The following SMOX variants were observed in gnomAD, a reference collection of about 807,000 sequenced individuals.
SMOX encodes flavin containing amine oxidase.
In SMOX, 22 loss-of-function variants were observed where a neutral mutation model predicts 51.0. That is an observed-to-expected ratio of 0.43 (90% CI 0.31 to 0.62). The LOEUF (loss-of-function observed/expected upper bound fraction) is 0.62, where lower values mean the gene tolerates loss of function less well. SMOX is among the 20% of genes least tolerant of loss of function. The probability of loss-of-function intolerance (pLI) is 0.10; values close to 1 mark genes in which losing one functional copy is unlikely to be tolerated. For missense variants in SMOX, 566 were observed against 777.7 expected (o/e 0.73, Z 3.24); for synonymous variants, 282 against 307.8 (o/e 0.92, Z 0.88).
chr20:4,174,610 T>A (rs1034075030), intron 1 of SMOX, among the ~76,000 whole-genome samples: 3 of 152,140 alleles, frequency 2.0e-5, no homozygotes, highest in African/African-American at 7.2e-5. Flanking sequence ...GACTGTGGCC[T>A]TCTTGGTCAT....
Position 4,182,559 on chromosome 20 carries a change from G to T in SMOX, c.1080G>T (p.Leu360=), listed in dbSNP as rs779365210. Residue 360 remains leucine, a synonymous_variant, in exon 5 of 7, where the codon CTG becomes CTT. Transcript: ENST00000305958. This position sits in a 1 kb window ranked among gnomAD's most constrained non-coding sequence, Gnocchi z 8.4. ...PTEKVAAIHR[L]GIGTTDKIFL... ...AGAAGGTGGCTGCCATCCACCGCCT[G>T]GGCATTGGCACCACCGACAAGATCT... 1.2e-6 allele frequency: 2 copies of T among 1,613,826 alleles called. No individual in the cohort carries two copies. Among genetic ancestry groups the T allele is most frequent in the African/African-American group, 2.7e-5 (2 of 74,900 alleles).
chr20:4,184,542 T>C (rs1979593737), intron 6 of SMOX, among the ~76,000 whole-genome samples: 2 of 151,068 alleles, frequency 1.3e-5, no homozygotes. Context: ...TCCCATAAAG[T>C]GGATTTTGAG....
At position 4,166,871 on chromosome 20, in the gene SMOX, C is replaced by A. The variant is rs190211972; in HGVS notation, c.-26-8159C>A. 3.9e-5 allele frequency among the ~76,000 whole-genome samples: 6 copies of A among 152,306 alleles called. No individual in the cohort carries two copies. Among genetic ancestry groups the A allele is most frequent in the African/African-American group, 1.2e-4 (5 of 41,566 alleles). ...TCTCATCTGAAATTCGCTTACAAAGCCTTTTTAAAGTTGTGCTTTTAGGGA... is the reference window on the plus strand; with the variant it reads ...TCTCATCTGAAATTCGCTTACAAAGACTTTTTAAAGTTGTGCTTTTAGGGA... On this transcript the variant is annotated intron_variant, in intron 1 of 6. Transcript: ENST00000305958. The surrounding 1 kb of genome is among the most constrained non-coding windows in gnomAD (Gnocchi z 4.2).
chr20:4,180,272 T>A (rs1354717638), intron 3 of SMOX, among the ~76,000 whole-genome samples: 3 of 152,224 alleles, frequency 2.0e-5, no homozygotes, highest in African/African-American at 7.2e-5. Flanking sequence ...CATGTCTGTG[T>A]CTCAGGTGGA....
chr20:4,177,598 C>G lies in SMOX; in HGVS notation c.435+21C>G, dbSNP rs1417661978. 1 of 1,563,142 alleles carries G rather than the reference C, an allele frequency of 6.4e-7. No individual in the cohort carries two copies. The highest frequency in any genetic ancestry group is 8.7e-7 in the Non-Finnish European group (1 of 1,152,788). On this transcript the variant is annotated intron_variant, in intron 3 of 6. Coordinates refer to ENST00000305958, the MANE Select transcript of SMOX (RefSeq NM_175839.3). This position sits in a 1 kb window ranked among gnomAD's most constrained non-coding sequence, Gnocchi z 4.3. Reference sequence around the variant, plus strand: ...ACGAGGTAAGGTGTGAGCAGAGTAGCTGGGCGTAAGGGCATGGGGAGACCT... The same window carrying G: ...ACGAGGTAAGGTGTGAGCAGAGTAGGTGGGCGTAAGGGCATGGGGAGACCT...
chr20:4,161,183 C>T (rs557786901), intron 1 of SMOX, among the ~76,000 whole-genome samples: 1 of 152,334 alleles, frequency 6.6e-6, no homozygotes, highest in Admixed American at 6.5e-5. Flanking sequence ...CTCACACCTC[C>T]CAGGTGTCAA....
rs1160715521 is a variant in SMOX at position 4,167,519 on chromosome 20, T to G, written c.-26-7511T>G. On this transcript the variant is annotated intron_variant, in intron 1 of 6. Coordinates refer to ENST00000305958, the MANE Select transcript of SMOX (RefSeq NM_175839.3). The surrounding 1 kb of genome is among the most constrained non-coding windows in gnomAD (Gnocchi z 4.8). ...CCAAAGTGAGCCTTTAAATATCAGATAGGGCTTGGACAAGTGTGCCCAGGT... is the reference window on the plus strand; with the variant it reads ...CCAAAGTGAGCCTTTAAATATCAGAGAGGGCTTGGACAAGTGTGCCCAGGT... Among the ~76,000 whole-genome samples the G allele has an allele frequency of 6.6e-6, 1 of 152,178 alleles. No homozygotes were observed. Among genetic ancestry groups the G allele is most frequent in the Non-Finnish European group, 1.5e-5 (1 of 68,030 alleles).
rs1986794203 is a variant in SMOX, at chr20:4,170,874, T to TG, written c.-26-4155dup. On this transcript the variant is annotated intron_variant, in intron 1 of 6. Coordinates refer to ENST00000305958, the MANE Select transcript of SMOX (RefSeq NM_175839.3). The surrounding 1 kb of genome is among the most constrained non-coding windows in gnomAD (Gnocchi z 4.6). The stretch of plus-strand genomic sequence containing the variant: ...AGAACTGGCTGCGTGGTATCTTGGA[T>TG]GAAATTGCCAGGGGACCGGGGGGTG... 6.6e-6 allele frequency among the ~76,000 whole-genome samples: 1 copy of TG among 152,108 alleles called. No individual in the cohort carries two copies. The highest frequency in any genetic ancestry group is 1.5e-5 in the Non-Finnish European group (1 of 68,028).
intron 1 of SMOX, among the ~76,000 whole-genome samples, chr20:4,159,355 G>T (rs1359242047): frequency 6.6e-6 from 1 of 152,120 alleles, no homozygotes; most frequent in East Asian, 1.9e-4. Flanking sequence ...CAAGTGATCC[G>T]CCCACTTCGA....
chr20:4,150,252 A>G (rs1985667385), intron 1 of SMOX, among the ~76,000 whole-genome samples: 1 of 151,916 alleles, frequency 6.6e-6, no homozygotes, highest in Non-Finnish European at 1.5e-5. Context: ...AGCCTTCTGC[A>G]CTCGCTCCTT....
At chr20:4,168,253 C>T (rs1380246534) in intron 1 of SMOX, among the ~76,000 whole-genome samples, 1 of 152,112 alleles carries the variant, frequency 6.6e-6, no homozygotes, top group Non-Finnish European at 1.5e-5. Context: ...TCCCCTGCTG[C>T]CGAGGGCACC....
rs140906728 is a variant in SMOX, at chr20:4,183,561, C to T, written c.1437C>T (p.Arg479=). The change falls in exon 6 of 7, where the codon CGC becomes CGT. Residue 479 remains arginine, a synonymous_variant. Coordinates refer to ENST00000305958, the MANE Select transcript of SMOX (RefSeq NM_175839.3). This position sits in a 1 kb window ranked among gnomAD's most constrained non-coding sequence, Gnocchi z 4.3. ...CCTGGGGCAGCAACCCTTACTTCCG[C>T]GGCTCCTATTCATACACGCAGGTGG... The part of the protein sequence containing the change: ...RSAWGSNPYF[R]GSYSYTQVGS... 1.2e-4 allele frequency: 186 copies of T among 1,613,970 alleles called. No homozygotes were observed. Among genetic ancestry groups the T allele is most frequent in the South Asian group, 7.6e-4 (69 of 91,060 alleles).
chr20:4,184,081 G>A (rs1979558067), intron 6 of SMOX, among the ~76,000 whole-genome samples: 1 of 151,724 alleles, frequency 6.6e-6, no homozygotes, highest in South Asian at 2.1e-4. Flanking sequence ...CTGGGCTCAA[G>A]TGATCCTCCC....
chr20:4,160,710 G>A (rs749657004), intron 1 of SMOX, among the ~76,000 whole-genome samples: 13 of 152,302 alleles, frequency 8.5e-5, no homozygotes, highest in East Asian at 1.9e-4. Context: ...GATAAATTAC[G>A]TTGTGTGGAC....
chr20:4,185,405 C>G (rs1163318330), intron 6 of SMOX, among the ~76,000 whole-genome samples: 2 of 152,154 alleles, frequency 1.3e-5, no homozygotes, highest in African/African-American at 4.8e-5. Flanking sequence ...GTTAGAAATG[C>G]AGATTCTCAG....
chr20:4,155,150 C>T (rs968276559), intron 1 of SMOX, among the ~76,000 whole-genome samples: 24 of 152,138 alleles, frequency 1.6e-4, no homozygotes, highest in Non-Finnish European at 3.1e-4. Flanking sequence ...CTGGGGTGAG[C>T]ACCCTTCCTC....
intron 1 of SMOX, among the ~76,000 whole-genome samples, chr20:4,156,454 A>T (rs949080647): frequency 1.3e-5 from 2 of 151,996 alleles, no homozygotes; most frequent in African/African-American, 4.8e-5. Flanking sequence ...TTCATCTGTA[A>T]ATCTTTGCCC....
Position 4,178,684 on chromosome 20 carries a change from C to CT in SMOX, c.435+1110dup, listed in dbSNP as rs1568744217. Among the ~76,000 whole-genome samples, 7 of 88,416 alleles carry CT rather than the reference C, an allele frequency of 7.9e-5. 1 individual carries two copies. Among genetic ancestry groups the CT allele is most frequent in the Middle Eastern group, 4.9e-3 (1 of 204 alleles). 58.0% of individuals were successfully genotyped at this position (88,416 alleles called of 152,430 possible). ...TGCATTTTCTTTTCTTTCTTTCTTT[C>CT]TTTCTTTTTTTTTTTTGAGACGGAG... On this transcript the variant is annotated intron_variant, in intron 3 of 6. Transcript: ENST00000305958.
intron 1 of SMOX, among the ~76,000 whole-genome samples, chr20:4,151,573 C>T (rs1252813740): frequency 1.3e-5 from 2 of 152,110 alleles, no homozygotes; most frequent in Non-Finnish European, 2.9e-5. Context: ...TAAGCTTTCT[C>T]CTGCCCCACG....
Sources: gnomAD v4.1 joint callset for allele counts (sites outside exome capture counted in the v4.1 genomes callset) on GRCh38, gnomAD v4.1.1 for gene constraint, Gnocchi (gnomAD v3.1) non-coding constraint, MANE v1.5 for transcripts, NCBI Gene and HGNC (gene_info 2026-07-23, HGNC 2026-07-21) for gene names.